Variants in GRID2 observed in about 807,000 individuals in gnomAD.
GRID2 encodes glutamate ionotropic receptor delta type subunit 2.
A neutral mutation model predicts 114.8 loss-of-function variants in GRID2; 33 were observed. The observed-to-expected ratio is 0.29, with a 90% CI of 0.22 to 0.38. GRID2 has a LOEUF of 0.38. GRID2 is among the 10% of genes least tolerant of loss of function. The pLI is 1.00. For synonymous variants in GRID2, 505 were observed against 449.9 expected, an observed-to-expected ratio of 1.12 and a Z score of -1.55; for missense variants, 1,184 against 1,257.7, an observed-to-expected ratio of 0.94 and a Z score of 0.89.
chr4:93,035,448 G>A (rs1724847470), intron 2 of GRID2, among the ~76,000 whole-genome samples: 2 of 151,940 alleles, frequency 1.3e-5, no homozygotes. Context: ...GTTATTTATT[G>A]TTTGAGCAAT....
At chr4:93,255,446 TG>T (rs1749470405) in intron 8 of GRID2, among the ~76,000 whole-genome samples, 1 of 152,146 alleles carries the variant, frequency 6.6e-6, no homozygotes, top group Non-Finnish European at 1.5e-5. Context: ...GTTTTGTTTT[TG>T]TTTTTCATGT....
intron 13 of GRID2, among the ~76,000 whole-genome samples, chr4:93,527,947 G>A (rs1201316740): frequency 6.6e-6 from 1 of 151,922 alleles, no homozygotes; most frequent in Non-Finnish European, 1.5e-5. Context: ...TCATATAAAT[G>A]TAATCACATA....
intron 4 of GRID2, among the ~76,000 whole-genome samples, chr4:93,117,922 C>A (rs1733430313): frequency 6.6e-6 from 1 of 152,094 alleles, no homozygotes; most frequent in African/African-American, 2.4e-5. Flanking sequence ...AAACCATTCC[C>A]CTAGAAGCAA....
chr4:93,755,382 A>T (rs1252378367), intron 14 of GRID2, among the ~76,000 whole-genome samples: 1 of 152,210 alleles, frequency 6.6e-6, no homozygotes, highest in African/African-American at 2.4e-5. Context: ...CACATCAATT[A>T]TCCTTTCTGC....
intron 2 of GRID2, among the ~76,000 whole-genome samples, chr4:92,590,596 CAG>C (rs1728665139): frequency 6.6e-6 from 1 of 152,206 alleles, no homozygotes; most frequent in South Asian, 2.1e-4. Flanking sequence ...TATTTTCTAA[CAG>C]AAAGTTTACT....
At chr4:92,884,503 G>A (rs1049304000) in intron 2 of GRID2, among the ~76,000 whole-genome samples, 1 of 152,132 alleles carries the variant, frequency 6.6e-6, no homozygotes, top group African/African-American at 2.4e-5. Context: ...CCCTGTCTTG[G>A]CATTCAGCAT....
intron 2 of GRID2, among the ~76,000 whole-genome samples, chr4:92,999,813 C>T (rs930541308): frequency 8.0e-5 from 12 of 150,904 alleles, no homozygotes; most frequent in Admixed American, 4.0e-4. Flanking sequence ...TACATGCTGT[C>T]GAATTGCTCT....
chr4:93,328,544 A>C (rs1758089067), intron 8 of GRID2, among the ~76,000 whole-genome samples: 1 of 152,174 alleles, frequency 6.6e-6, no homozygotes, highest in Non-Finnish European at 1.5e-5. Flanking sequence ...GTCCTTTATG[A>C]CATTTATCAC....
chr4:92,934,562 A>G (rs1560717143), intron 2 of GRID2, among the ~76,000 whole-genome samples: 1 of 146,234 alleles, frequency 6.8e-6, no homozygotes, highest in East Asian at 2.2e-4. Context: ...GGAACCAAAA[A>G]AGAGCCTGCA....
intron 2 of GRID2, among the ~76,000 whole-genome samples, chr4:92,699,252 G>C (rs979223704): frequency 6.6e-6 from 1 of 152,114 alleles, no homozygotes; most frequent in Non-Finnish European, 1.5e-5. Flanking sequence ...TGGCCAGTTG[G>C]ATTCATTTCT....
At chr4:92,639,752 A>C (rs898951665) in intron 2 of GRID2, among the ~76,000 whole-genome samples, 10 of 151,828 alleles carry the variant, frequency 6.6e-5, no homozygotes, top group Admixed American at 2.6e-4. Flanking sequence ...TAATGTAACA[A>C]AATTACACTT....
intron 2 of GRID2, among the ~76,000 whole-genome samples, chr4:92,837,202 G>T (rs992266211): frequency 1.3e-5 from 2 of 151,952 alleles, no homozygotes; most frequent in Non-Finnish European, 2.9e-5. Context: ...ATGAACGAGG[G>T]GCCTGGTGTT....
At chr4:93,462,609 C>T (rs760104280) in intron 11 of GRID2, among the ~76,000 whole-genome samples, 2 of 152,222 alleles carry the variant, frequency 1.3e-5, no homozygotes, top group Non-Finnish European at 2.9e-5. Flanking sequence ...CTCATATCCA[C>T]AAAAAGAAGA....
chr4:92,969,062 T>A (rs1241724587), intron 2 of GRID2, among the ~76,000 whole-genome samples: 1 of 151,626 alleles, frequency 6.6e-6, no homozygotes, highest in East Asian at 1.9e-4. Context: ...TATAAGGCAA[T>A]AGTAGCATAG....
intron 13 of GRID2, among the ~76,000 whole-genome samples, chr4:93,551,505 G>T (rs1733750954): frequency 6.6e-6 from 1 of 152,130 alleles, no homozygotes; most frequent in Non-Finnish European, 1.5e-5. Flanking sequence ...CATCCAGTGT[G>T]GCTAGAGAAG....
chr4:93,486,894 G>C (rs1013721422), intron 11 of GRID2, among the ~76,000 whole-genome samples: 1 of 151,672 alleles, frequency 6.6e-6, no homozygotes. Flanking sequence ...TGAAGAATTT[G>C]TGTACAATTA....
chr4:92,968,574 A>G (rs1753302432), intron 2 of GRID2, among the ~76,000 whole-genome samples: 1 of 151,916 alleles, frequency 6.6e-6, no homozygotes, highest in Non-Finnish European at 1.5e-5. Context: ...AGTATTTTTT[A>G]TTTATTCCTT....
At chr4:93,238,681 A>G (rs1338447457) in intron 8 of GRID2, among the ~76,000 whole-genome samples, 191 bp downstream of exon 8, 2 of 151,750 alleles carry the variant, frequency 1.3e-5, no homozygotes, top group Admixed American at 1.3e-4. Flanking sequence ...AAGAAATTCT[A>G]TTTCCGACTT....
At chr4:92,500,311 G>A (rs1481315247) in intron 1 of GRID2, among the ~76,000 whole-genome samples, 2 of 151,514 alleles carry the variant, frequency 1.3e-5, no homozygotes, top group Non-Finnish European at 2.9e-5. Context: ...TCCTCCACTT[G>A]ATCTCCCAGC....
Sources: gnomAD v4.1 joint callset for allele counts (sites outside exome capture counted in the v4.1 genomes callset) on GRCh38, gnomAD v4.1.1 for gene constraint, MANE v1.5 for transcripts, NCBI Gene and HGNC (gene_info 2026-07-23, HGNC 2026-07-21) for gene names.